Variants in DMD observed in about 807,000 individuals in gnomAD.
DMD encodes the protein dystrophin.
Under a neutral mutation model 330.1 loss-of-function variants are expected in DMD, and 63 were observed. The observed-to-expected ratio is 0.19, with a 90% CI of 0.16 to 0.24. The LOEUF (loss-of-function observed/expected upper bound fraction) is 0.24. Ranked by LOEUF, DMD falls within the 10% of genes least tolerant of loss-of-function variation. The pLI is 1.00. For synonymous variants in DMD, 1,223 were observed against 959.8 expected, an observed-to-expected ratio of 1.27 and a Z score of -5.07; for missense variants, 3,344 against 2,684.1, an observed-to-expected ratio of 1.25 and a Z score of -5.43.
At chrX:31,854,318 C>T in intron 48 of DMD, among the ~76,000 whole-genome samples, 1 of 111,846 alleles carries the variant, frequency 8.9e-6, no homozygotes, top group East Asian at 2.8e-4. Flanking sequence ...AATAACAATG[C>T]ATACTCTAAT....
At chrX:32,811,536 G>A (rs2077369561) in intron 6 of DMD, among the ~76,000 whole-genome samples, 2 of 111,427 alleles carry the variant, frequency 1.8e-5, no homozygotes. Flanking sequence ...GTTCACTGCT[G>A]GAAACCTAGC....
intron 1 of DMD, among the ~76,000 whole-genome samples, chrX:33,156,150 A>G (rs1481572256): frequency 8.9e-6 from 1 of 112,092 alleles, no homozygotes; most frequent in Non-Finnish European, 1.9e-5. Flanking sequence ...AGGAATAACA[A>G]TAATAATGAA....
intron 29 of DMD, among the ~76,000 whole-genome samples, chrX:32,438,005 G>A (rs1458721792): frequency 1.8e-5 from 2 of 111,908 alleles, no homozygotes; most frequent in Non-Finnish European, 3.8e-5. Flanking sequence ...TGTGGTCAGA[G>A]TAACCTTCTT....
intron 69 of DMD, 51 bp from the exon 70 acceptor site, chrX:31,178,856 A>G: frequency 8.6e-7 from 1 of 1,163,759 alleles, no homozygotes. Context: ...TGATTTCAAA[A>G]CTAATGACCA....
chrX:32,572,618 G>C (rs868147674), intron 15 of DMD, among the ~76,000 whole-genome samples: 3 of 106,262 alleles, frequency 2.8e-5, no homozygotes, highest in Admixed American at 2.0e-4. Context: ...AGTCTTTTCT[G>C]AAATCCATTT....
chrX:31,211,077 G>A (rs1012102367), intron 64 of DMD, among the ~76,000 whole-genome samples: 1 of 111,980 alleles, frequency 8.9e-6, no homozygotes, highest in Admixed American at 9.5e-5. Flanking sequence ...CATGGAAGCT[G>A]AGACTTTCTT....
chrX:32,355,489 A>G (rs1004461786), intron 37 of DMD, among the ~76,000 whole-genome samples: 2 of 111,909 alleles, frequency 1.8e-5, no homozygotes, highest in Admixed American at 9.5e-5. Flanking sequence ...AGCTTTAATT[A>G]TTTCAAATGT....
intron 43 of DMD, among the ~76,000 whole-genome samples, chrX:32,221,297 TAGGTG>T (rs2097131060): frequency 9.1e-6 from 1 of 109,739 alleles, no homozygotes; most frequent in Non-Finnish European, 1.9e-5. Flanking sequence ...CATCTTTGAT[TAGGTG>T]AGGAGGAGGG....
Position 32,380,651 on chromosome X carries a change from T to C in DMD, c.4704A>G (p.Lys1568=). 8.3e-7 allele frequency: 1 copy of C among 1,208,490 alleles called. No homozygotes were observed. Among genetic ancestry groups the C allele is most frequent in the East Asian group, 3.0e-5 (1 of 33,769 alleles). ...KVTERKQQLE[K]CLKLSRKMRK... is the part of the protein sequence containing the mutation. ...GCATCTTACGGGACAATTTCAAGCA[T>C]TTCTCCAACTGTTGCTTTCTTTCTG... Residue 1568 remains lysine (K), a synonymous_variant, in exon 34 of 79, where the codon AAA becomes AAG. Transcript: ENST00000357033.
At chrX:32,979,436 C>T (rs1263635901) in intron 2 of DMD, among the ~76,000 whole-genome samples, 2 of 111,886 alleles carry the variant, frequency 1.8e-5, no homozygotes, top group African/African-American at 6.5e-5. Flanking sequence ...TGGTTCATGG[C>T]AACCAAATTG....
At chrX:31,514,289 C>T (rs1379805646) in intron 55 of DMD, among the ~76,000 whole-genome samples, 1 of 111,787 alleles carries the variant, frequency 8.9e-6, no homozygotes, top group African/African-American at 3.2e-5. Context: ...AATTATAGAG[C>T]AAATTTCAGC....
At chrX:32,906,561 C>A (rs976323565) in intron 2 of DMD, among the ~76,000 whole-genome samples, 2 of 111,796 alleles carry the variant, frequency 1.8e-5, no homozygotes, top group Admixed American at 9.5e-5. Context: ...TTGCCTGGAG[C>A]TACAAGAGCA....
chrX:31,403,045 T>C (rs150864733), intron 60 of DMD, among the ~76,000 whole-genome samples: 2,001 of 111,840 alleles, frequency 0.018, 38 homozygotes, highest in East Asian at 0.14. Flanking sequence ...AGAAAACTAA[T>C]GCTAGTATCA....
chrX:31,617,790 A>C (rs923497890), intron 55 of DMD, among the ~76,000 whole-genome samples: 1 of 111,459 alleles, frequency 9.0e-6, no homozygotes, highest in Non-Finnish European at 1.9e-5. Flanking sequence ...TCATTGCTGC[A>C]CTATTCCCAA....
intron 33 of DMD, among the ~76,000 whole-genome samples, chrX:32,385,206 G>C (rs1359558102): frequency 9.0e-6 from 1 of 110,543 alleles, no homozygotes; most frequent in Non-Finnish European, 1.9e-5. Context: ...TATAAAAACA[G>C]ACATATAGAC....
chrX:31,213,953 G>A (rs992969835), intron 64 of DMD, among the ~76,000 whole-genome samples: 1 of 112,616 alleles, frequency 8.9e-6, no homozygotes, highest in Non-Finnish European at 1.9e-5. Context: ...TACTGATGGT[G>A]TAACTTTCTA....
chrX:32,957,219 G>C (rs2091646528), intron 2 of DMD, among the ~76,000 whole-genome samples: 1 of 111,431 alleles, frequency 9.0e-6, no homozygotes, highest in Non-Finnish European at 1.9e-5. Context: ...TAATGTTAAA[G>C]TCATCGTAAA....
chrX:32,981,660 C>G (rs746580011), intron 2 of DMD, among the ~76,000 whole-genome samples: 15 of 111,240 alleles, frequency 1.3e-4, no homozygotes, highest in Non-Finnish European at 2.3e-4. Flanking sequence ...ATTTCTATTA[C>G]TATAACTAAA....
chrX:32,796,114 T>C (rs2076162815), intron 7 of DMD, among the ~76,000 whole-genome samples: 2 of 82,560 alleles, frequency 2.4e-5, no homozygotes, highest in Non-Finnish European at 5.4e-5. Context: ...AATAAGTATA[T>C]ATGTAAAGGG....
Sources: gnomAD v4.1 joint callset for allele counts (sites outside exome capture counted in the v4.1 genomes callset) on GRCh38, gnomAD v4.1.1 for gene constraint, MANE v1.5 for transcripts, NCBI Gene and HGNC (gene_info 2026-07-23, HGNC 2026-07-21) for gene names.